Variants in MYO16 observed in about 807,000 individuals in gnomAD.
MYO16 encodes unconventional myosin-XVI.
Under a neutral mutation model 205.3 loss-of-function variants are expected in MYO16, and 94 were observed. The ratio of observed to expected loss-of-function variants is 0.46; its 90% CI spans 0.39 to 0.54. The LOEUF is 0.54. Among genes scored for constraint, MYO16 ranks in the 20% least tolerant of loss-of-function variants. The probability of loss-of-function intolerance (pLI) is 0.00; values close to 1 mark genes in which losing one functional copy is unlikely to be tolerated. For missense variants in MYO16, 2,315 were observed against 2,387.5 expected, an observed-to-expected ratio of 0.97 and a Z score of 0.63; for synonymous variants, 988 against 954.0, an observed-to-expected ratio of 1.04 and a Z score of -0.66.
intron 16 of MYO16, among the ~76,000 whole-genome samples, chr13:108,935,109 T>G (rs1388951553): frequency 6.6e-6 from 1 of 152,204 alleles, no homozygotes; most frequent in Non-Finnish European, 1.5e-5. Flanking sequence ...TTCGTGCTCT[T>G]TTTTTGTTTC....
intron 21 of MYO16, 58 bp downstream of exon 21, chr13:108,992,506 T>C: frequency 4.6e-6 from 5 of 1,083,706 alleles, no homozygotes; most frequent in South Asian, 1.4e-5. Context: ...AACTAAGTTC[T>C]TTTTTTAATT....
At chr13:109,048,356 C>T (rs760206043) in intron 24 of MYO16, 3 of 754,502 alleles carry the variant, frequency 4.0e-6, no homozygotes, top group Admixed American at 1.8e-5. Flanking sequence ...TGCTTCTGAG[C>T]AAAAGGACAG....
intron 4 of MYO16, among the ~76,000 whole-genome samples, chr13:108,762,666 T>G (rs1270827864): frequency 6.6e-6 from 1 of 152,236 alleles, no homozygotes; most frequent in Non-Finnish European, 1.5e-5. Context: ...CATTCTCATT[T>G]GAAAACAGCT....
chr13:108,997,239 A>C (rs1326782603), intron 21 of MYO16, among the ~76,000 whole-genome samples: 1 of 151,550 alleles, frequency 6.6e-6, no homozygotes, highest in Non-Finnish European at 1.5e-5. Context: ...TGCTGCAGTG[A>C]GATGGGATTG....
At chr13:108,925,858 GCTTT>G (rs1881975719) in intron 16 of MYO16, among the ~76,000 whole-genome samples, 3 of 152,182 alleles carry the variant, frequency 2.0e-5, no homozygotes, top group Non-Finnish European at 4.4e-5. Context: ...TTCAGAGTGT[GCTTT>G]CTAAAGTAGA....
chr13:108,555,257 G>A, the MYO16 span, among the ~76,000 whole-genome samples: 1 of 152,086 alleles, frequency 6.6e-6, no homozygotes, highest in Admixed American at 6.6e-5. Flanking sequence ...TGTGAGATGT[G>A]ATAGATCCCT....
chr13:109,069,582 T>G (rs1202961330), intron 27 of MYO16, among the ~76,000 whole-genome samples: 1 of 12,154 alleles, frequency 8.2e-5, no homozygotes, highest in Non-Finnish European at 1.5e-4. Context: ...TGCCCCTCAG[T>G]TGTAGAGGGG....
In MYO16 at chr13:108,696,744, C is replaced by T. The variant is rs186719944; in HGVS notation, c.293-15917C>T. Among the ~76,000 whole-genome samples the T allele has an allele frequency of 3.9e-3, 588 of 152,144 alleles. 4 individuals are homozygous for T. Among genetic ancestry groups the T allele is most frequent in the Admixed American group, 6.2e-3 (94 of 15,272 alleles). On this transcript the variant is annotated intron_variant, in intron 2 of 34. Transcript: ENST00000457511. ...TTTACTAAGTATAAATTACACTGTA[C>T]CCCAATTGAAAAACAAAAGACTACT...
intron 9 of MYO16, among the ~76,000 whole-genome samples, chr13:108,832,560 T>C (rs962946186): frequency 2.7e-5 from 4 of 150,732 alleles, no homozygotes; most frequent in Non-Finnish European, 6.0e-5. Flanking sequence ...TTCCCCAGCA[T>C]GATGATGAAT....
the MYO16 span, among the ~76,000 whole-genome samples, chr13:108,557,436 T>C: frequency 2.0e-5 from 3 of 152,198 alleles, no homozygotes; most frequent in African/African-American, 7.2e-5. Flanking sequence ...GCACAAACCA[T>C]GTAAACATAC....
At chr13:108,659,605 A>T (rs968467173) in intron 1 of MYO16, among the ~76,000 whole-genome samples, 1 of 152,172 alleles carries the variant, frequency 6.6e-6, no homozygotes, top group African/African-American at 2.4e-5. Flanking sequence ...TTTTGTAAGG[A>T]AAAGCAGTTA....
intron 2 of MYO16, among the ~76,000 whole-genome samples, chr13:108,668,190 G>A (rs147156851): frequency 1.3e-3 from 198 of 152,262 alleles, no homozygotes; most frequent in Non-Finnish European, 1.5e-3. Context: ...TATAAGTTAC[G>A]TTTCCCCAAA....
intron 16 of MYO16, among the ~76,000 whole-genome samples, chr13:108,947,153 A>G (rs1882968937): frequency 6.6e-6 from 1 of 152,220 alleles, no homozygotes; most frequent in Admixed American, 6.5e-5. Flanking sequence ...TTTGCATATT[A>G]CTAAAGTTTT....
rs113624056 is a variant in MYO16 at position 109,059,559 on chromosome 13, T to G, written c.3335+3964T>G. 3.6e-3 allele frequency among the ~76,000 whole-genome samples: 550 copies of G among 152,326 alleles called. 4 individuals carry two copies. Among genetic ancestry groups the G allele is most frequent in the African/African-American group, 0.012 (497 of 41,572 alleles). On this transcript the variant is annotated intron_variant, in intron 27 of 34. Transcript: ENST00000457511. ...TATGTTTGTTGGCCGCATAAATGTC[T>G]TCTTTTGAGAAGTATCTGTTCATAT... is the stretch of plus-strand genomic sequence containing the variant.
chr13:108,676,186 T>C (rs1441017360), intron 2 of MYO16, among the ~76,000 whole-genome samples: 11 of 152,092 alleles, frequency 7.2e-5, no homozygotes, highest in East Asian at 1.9e-4. Flanking sequence ...TTTTAAATTA[T>C]GATAAAATGG....
Position 108,961,606 on chromosome 13 carries a change from T to C in MYO16, c.2105T>C (p.Leu702Pro). ...CTTGGAGACATTCGGTTTACTGCCC[T>C]GAATGAGGGGAACTCCGCCTTCGTT... ...LHLGDIRFTALNEGNSAFVSD... is the reference protein window; with the variant it reads ...LHLGDIRFTAPNEGNSAFVSD... Residue 702 changes from leucine to proline, a missense_variant, in exon 18 of 35, where the codon CTG (leucine) becomes CCG (proline). This residue lies in a region of MYO16 where 1,213 missense variants were observed against 1,274.4 expected (regional missense o/e 0.95). Transcript: ENST00000457511. 1 of 1,614,160 alleles carries C rather than the reference T, an allele frequency of 6.2e-7. No individual in the cohort carries two copies. The highest frequency in any genetic ancestry group is 1.6e-4 in the Middle Eastern group (1 of 6,062).
intron 23 of MYO16, among the ~76,000 whole-genome samples, chr13:109,022,593 A>C (rs891089473): frequency 6.2e-4 from 84 of 136,558 alleles, no homozygotes; most frequent in Admixed American, 2.8e-3. Flanking sequence ...ATATATTTCT[A>C]TATTCTATAT....
chr13:108,554,205 A>G, the MYO16 span, among the ~76,000 whole-genome samples: 1 of 151,690 alleles, frequency 6.6e-6, no homozygotes, highest in Non-Finnish European at 1.5e-5. Context: ...TCTTCCTGAA[A>G]TTTTTCTAGT....
intron 20 of MYO16, among the ~76,000 whole-genome samples, chr13:108,973,075 C>T (rs1884117111): frequency 6.6e-6 from 1 of 151,794 alleles, no homozygotes; most frequent in Non-Finnish European, 1.5e-5. Context: ...AATGAAAGCT[C>T]AAGGATTTAA....
Sources: gnomAD v4.1 joint callset for allele counts (sites outside exome capture counted in the v4.1 genomes callset) on GRCh38, gnomAD v4.1.1 for gene constraint, gnomAD v4.1.1 regional missense constraint, MANE v1.5 for transcripts, NCBI Gene and HGNC (gene_info 2026-07-23, HGNC 2026-07-21) for gene names.